The following UBE2E1 variants were observed in gnomAD, a reference collection of about 807,000 sequenced individuals.
UBE2E1 encodes ubiquitin conjugating enzyme E2 E1.
A neutral mutation model predicts 21.4 loss-of-function variants in UBE2E1; 6 were observed. The observed-to-expected ratio is 0.28, with a 90% CI of 0.15 to 0.55. UBE2E1 has a LOEUF of 0.55. Ranked by LOEUF, UBE2E1 falls within the 20% of genes least tolerant of loss-of-function variation. UBE2E1 has a pLI of 0.93. For missense variants in UBE2E1, 142 were observed against 236.5 expected (o/e 0.60, Z 2.62); for synonymous variants, 87 against 82.7 (o/e 1.05, Z -0.28).
chr3:23,807,054 A>G, intron 1 of UBE2E1, 183 bp from the exon 2 acceptor site: 1 of 480,640 alleles, frequency 2.1e-6, no homozygotes, highest in South Asian at 3.9e-5. Flanking sequence ...TTGGGGCCAA[A>G]AATAAACAAG....
chr3:23,815,052 C>T (rs1363588865), intron 3 of UBE2E1, among the ~76,000 whole-genome samples: 1 of 152,112 alleles, frequency 6.6e-6, no homozygotes, highest in African/African-American at 2.4e-5. Context: ...TGCAGTGGTG[C>T]TCACTGCAGC....
At chr3:23,880,253 G>C (rs1449960781) in intron 3 of UBE2E1, among the ~76,000 whole-genome samples, 2 of 152,176 alleles carry the variant, frequency 1.3e-5, no homozygotes, top group Admixed American at 6.5e-5. Context: ...TGTGGTGGCG[G>C]ATGCCTGTAA....
chr3:23,887,471 A>G lies in UBE2E1; in HGVS notation c.204-96A>G. 1.4e-6 allele frequency: 2 copies of G among 1,458,494 alleles called. No individual in the cohort carries two copies. Among genetic ancestry groups the G allele is most frequent in the Non-Finnish European group, 1.8e-6 (2 of 1,099,306 alleles). The allele number at this position is 1,458,494 out of a possible 1,614,324, so 90.3% of individuals were successfully genotyped here. A position where few individuals can be genotyped will look rare whatever the true frequency, so the allele number is the denominator to read the frequency against. On this transcript the variant is annotated intron_variant, in intron 3 of 5. Transcript: ENST00000306627. The surrounding 1 kb of genome is among the most constrained non-coding windows in gnomAD (Gnocchi z 4.4). ...TAAAGAGAATCCACACAGTAAACAA[A>G]AGAGAGGAGAGAGGTAATCTTTCCA...
At chr3:23,845,589 C>CTCTCTGTGTGTGTGTGTGTG (rs1553637998) in intron 3 of UBE2E1, among the ~76,000 whole-genome samples, 12 of 121,284 alleles carry the variant, frequency 9.9e-5, no homozygotes, top group African/African-American at 3.5e-4. Context: ...CTCTCTCTCT[C>CTCTCTGTGTGTGTGTGTGTG]TGTGTGTGTG....
chr3:23,861,623 C>T (rs935296901), intron 3 of UBE2E1, among the ~76,000 whole-genome samples: 8 of 152,150 alleles, frequency 5.3e-5, no homozygotes, highest in East Asian at 1.9e-4. Context: ...AGCTGGATGC[C>T]GAGAGAAACA....
At position 23,836,619 on chromosome 3, in the gene UBE2E1, C is replaced by T. The variant is rs1475885548; in HGVS notation, c.203+25109C>T. On this transcript the variant is annotated intron_variant, in intron 3 of 5. Transcript: ENST00000306627. This position sits in a 1 kb window ranked among gnomAD's most constrained non-coding sequence, Gnocchi z 4.1. ...GCTGAAAGGGAACTTAGATCTAGTT[C>T]AGTTCCTCATTTTACAAATGAACAC... is the stretch of plus-strand genomic sequence containing the variant. Among the ~76,000 whole-genome samples, 1 of 152,156 alleles carries T rather than the reference C, an allele frequency of 6.6e-6. No homozygotes were observed. Among genetic ancestry groups the T allele is most frequent in the African/African-American group, 2.4e-5 (1 of 41,434 alleles).
Position 23,887,936 on chromosome 3 carries a change from A to G in UBE2E1, c.336+237A>G. ...TGCTTAAAATTGTGCTATTTATAGT[A>G]ATATTGTCAGCAACCTAGAATTAAT... is the stretch of plus-strand genomic sequence containing the variant. On this transcript the variant is annotated intron_variant, in intron 4 of 5. Transcript: ENST00000306627. The surrounding 1 kb of genome is among the most constrained non-coding windows in gnomAD (Gnocchi z 4.4). The G allele has an allele frequency of 1.8e-6, 1 of 542,258 alleles. No homozygotes were observed. Among genetic ancestry groups the G allele is most frequent in the South Asian group, 2.2e-5 (1 of 45,970 alleles). 33.6% of individuals were successfully genotyped at this position (542,258 alleles called of 1,614,324 possible). A position where few individuals can be genotyped will look rare whatever the true frequency, so the allele number is the denominator to read the frequency against.
At chr3:23,888,404 T>A (rs1701245977) in intron 4 of UBE2E1, 1 of 354,544 alleles carries the variant, frequency 2.8e-6, no homozygotes, top group African/African-American at 2.2e-5. Context: ...AAGTCACTTT[T>A]TTAAAAAATT....
chr3:23,821,764 G>A (rs539088744), intron 3 of UBE2E1, among the ~76,000 whole-genome samples: 2 of 152,322 alleles, frequency 1.3e-5, no homozygotes, highest in South Asian at 2.1e-4. Flanking sequence ...GCCGTAGGGC[G>A]CGTGTGTGGT....
At chr3:23,881,811 T>C (rs1339717525) in intron 3 of UBE2E1, among the ~76,000 whole-genome samples, 3 of 152,176 alleles carry the variant, frequency 2.0e-5, no homozygotes, top group Non-Finnish European at 4.4e-5. Flanking sequence ...GTTTGTTCCT[T>C]CTGATGTTCG....
chr3:23,889,870 G>C (rs1701321231), intron 5 of UBE2E1: 1 of 511,652 alleles, frequency 2.0e-6, no homozygotes, highest in Non-Finnish European at 2.5e-6. Flanking sequence ...ATTCCAGCCT[G>C]GGTGGCAAAG....
intron 3 of UBE2E1, among the ~76,000 whole-genome samples, chr3:23,860,043 A>T (rs1700519594): frequency 6.6e-6 from 1 of 152,184 alleles, no homozygotes; most frequent in Admixed American, 6.5e-5. Context: ...CACACAGCAG[A>T]TGTGTAAGGA....
intron 2 of UBE2E1, 43 bp from the exon 3 acceptor site, chr3:23,811,417 T>A: frequency 6.2e-7 from 1 of 1,610,772 alleles, no homozygotes; most frequent in Non-Finnish European, 8.5e-7. Flanking sequence ...CTTCCGCGCC[T>A]TAATGCTTCT....
intron 3 of UBE2E1, among the ~76,000 whole-genome samples, chr3:23,881,269 T>C (rs1559494092): frequency 6.6e-6 from 1 of 152,336 alleles, no homozygotes; most frequent in East Asian, 1.9e-4. Flanking sequence ...TTTCTTAAAA[T>C]CTGTATCAGA....
intron 3 of UBE2E1, among the ~76,000 whole-genome samples, chr3:23,854,342 T>A (rs1700390826): frequency 6.6e-6 from 1 of 151,300 alleles, no homozygotes; most frequent in Non-Finnish European, 1.5e-5. Flanking sequence ...TATACCAAAG[T>A]ATTTGGGAGG....
intron 3 of UBE2E1, among the ~76,000 whole-genome samples, chr3:23,860,099 A>G (rs1386170169): frequency 6.6e-6 from 1 of 152,132 alleles, no homozygotes; most frequent in East Asian, 1.9e-4. Context: ...TGAAGGAGAA[A>G]ATCATTTTGC....
intron 3 of UBE2E1, chr3:23,866,182 T>G (rs1219356088): frequency 6.6e-6 from 1 of 152,642 alleles, no homozygotes; most frequent in Admixed American, 6.5e-5. Flanking sequence ...AGCCAGTGAT[T>G]CCCCCAAGTG....
chr3:23,808,363 T>C lies in UBE2E1; in HGVS notation c.152+942T>C, dbSNP rs934047453. ...TTCCTAGGAGCTCTGAGACACCCTT[T>C]CATAAATCCTTCTGCTCTCAGAGTT... On this transcript the variant is annotated intron_variant, in intron 2 of 5. Transcript: ENST00000306627. The surrounding 1 kb of genome is among the most constrained non-coding windows in gnomAD (Gnocchi z 4.9). Among the ~76,000 whole-genome samples the C allele has an allele frequency of 6.6e-6, 1 of 152,186 alleles. No individual in the cohort carries two copies. The highest frequency in any genetic ancestry group is 2.4e-5 in the African/African-American group (1 of 41,450).
At chr3:23,811,054 A>G in intron 2 of UBE2E1, 1 of 205,944 alleles carries the variant, frequency 4.9e-6, no homozygotes, top group Non-Finnish European at 9.9e-6. Flanking sequence ...TGAAAGGGGC[A>G]AGGGAGGCTG....
Sources: gnomAD v4.1 joint callset for allele counts (sites outside exome capture counted in the v4.1 genomes callset) on GRCh38, gnomAD v4.1.1 for gene constraint, Gnocchi (gnomAD v3.1) non-coding constraint, MANE v1.5 for transcripts, NCBI Gene and HGNC (gene_info 2026-07-23, HGNC 2026-07-21) for gene names.